Variants in PAPOLG observed in about 807,000 individuals in gnomAD.
PAPOLG encodes the protein poly(A) polymerase gamma.
Under a neutral mutation model 99.0 loss-of-function variants are expected in PAPOLG, and 40 were observed. The ratio of observed to expected loss-of-function variants is 0.40; its 90% CI spans 0.31 to 0.53. The LOEUF (loss-of-function observed/expected upper bound fraction) is 0.53, where lower values mean the gene tolerates loss of function less well. Among genes scored for constraint, PAPOLG ranks in the 20% least tolerant of loss-of-function variants. The pLI is 0.41. For missense variants in PAPOLG, 675 were observed against 884.1 expected (o/e 0.76, Z 3.00); for synonymous variants, 310 against 299.3 (o/e 1.04, Z -0.37).
At chr2:60,771,493 TTC>T (rs781397768) in intron 6 of PAPOLG, 24 bp from the exon 7 acceptor site, 2 of 1,564,244 alleles carry the variant, frequency 1.3e-6, no homozygotes, top group African/African-American at 2.8e-5. Context: ...TGTAATTTTT[TTC>T]TCTTTTTTCA....
intron 5 of PAPOLG, 114 bp downstream of exon 5, chr2:60,769,004 A>G (rs2103773999): frequency 3.9e-6 from 3 of 778,614 alleles, no homozygotes; most frequent in South Asian, 4.3e-5. Flanking sequence ...GAGGTATTTA[A>G]TAAGAGTAGC....
intron 12 of PAPOLG, 47 bp downstream of exon 12, chr2:60,782,817 A>G (rs1558703460): frequency 7.1e-7 from 1 of 1,416,426 alleles, no homozygotes; most frequent in Non-Finnish European, 9.4e-7. Flanking sequence ...TTTTTTTTTT[A>G]AAGAAGAATG....
rs750686115 is a variant in PAPOLG, at chr2:60,797,196, A to ATTTAG, written c.*38_*42dup. On this transcript the variant is annotated 3_prime_UTR_variant, in exon 22 of 22. Transcript: ENST00000238714. ...TCCTCACTTAAGTGAACAAGCAATC[A>ATTTAG]TTTAGTGGCATAGATGCAGCCACTT... is the stretch of plus-strand genomic sequence containing the variant. 1 of 1,609,064 alleles carries ATTTAG rather than the reference A, an allele frequency of 6.2e-7. No individual in the cohort carries two copies. The highest frequency in any genetic ancestry group is 1.7e-5 in the Admixed American group (1 of 59,906).
At chr2:60,791,158 T>C (rs1671520478) in intron 15 of PAPOLG, among the ~76,000 whole-genome samples, 1 of 152,080 alleles carries the variant, frequency 6.6e-6, no homozygotes, top group South Asian at 2.1e-4. Context: ...GGGGAAAATA[T>C]CAGAAAATAA....
intron 15 of PAPOLG, among the ~76,000 whole-genome samples, chr2:60,788,521 C>T (rs1176671489): frequency 2.0e-5 from 3 of 152,092 alleles, no homozygotes; most frequent in Admixed American, 6.6e-5. Context: ...GGAGTTTCAC[C>T]ATGCTGGCCA....
chr2:60,789,959 T>C (rs931714628), intron 15 of PAPOLG, among the ~76,000 whole-genome samples: 2 of 152,168 alleles, frequency 1.3e-5, no homozygotes, highest in African/African-American at 4.8e-5. Context: ...CCAGGTGTGG[T>C]GGCGGGTGCC....
chr2:60,781,737 A>G lies in PAPOLG; in HGVS notation c.907-148A>G, dbSNP rs550204886. The stretch of plus-strand genomic sequence containing the variant: ...CAGACATATCCAACTTCAGAAATAA[A>G]TGCAGTTGGGGAGGGAAAATGTACT... On this transcript the variant is annotated intron_variant, in intron 10 of 21. Coordinates refer to ENST00000238714, the MANE Select transcript of PAPOLG (RefSeq NM_022894.4). The G allele has an allele frequency of 3.2e-3, 3,111 of 976,332 alleles. 15 individuals carry two copies. The highest frequency in any genetic ancestry group is 3.8e-3 in the Non-Finnish European group (2,571 of 668,422). The allele number at this position is 976,332 out of a possible 1,614,324, so 60.5% of individuals were successfully genotyped here.
intron 21 of PAPOLG, chr2:60,795,273 GT>G (rs1182599118): frequency 3.3e-6 from 2 of 603,516 alleles, no homozygotes; most frequent in Admixed American, 2.2e-5. Flanking sequence ...TTCACCCTTT[GT>G]TTTTTATCTT....
intron 3 of PAPOLG, among the ~76,000 whole-genome samples, chr2:60,763,020 G>T (rs147412501): frequency 9.1e-4 from 138 of 151,008 alleles, no homozygotes; most frequent in African/African-American, 3.2e-3. Context: ...TCTCACCTCA[G>T]CCTCCCCAAG....
chr2:60,791,598 T>G (rs1671538307), intron 15 of PAPOLG, 163 bp from the exon 16 acceptor site: 1 of 678,948 alleles, frequency 1.5e-6, no homozygotes, highest in Non-Finnish European at 2.4e-6. Context: ...TGTGATGTGA[T>G]GGAAGTGTAT....
At chr2:60,766,180 A>G (rs1389092066) in intron 3 of PAPOLG, among the ~76,000 whole-genome samples, 1 of 152,232 alleles carries the variant, frequency 6.6e-6, no homozygotes. Flanking sequence ...AAATGTAAAT[A>G]TGATTGAAGA....
chr2:60,792,429 C>T (rs1487562215), intron 17 of PAPOLG, 140 bp downstream of exon 17: 3 of 837,904 alleles, frequency 3.6e-6, no homozygotes, highest in Non-Finnish European at 5.4e-6. Context: ...CAATTTCTTG[C>T]TTAGAAATAA....
chr2:60,767,498 T>C (rs1054426666), intron 3 of PAPOLG, among the ~76,000 whole-genome samples: 12 of 152,112 alleles, frequency 7.9e-5, no homozygotes, highest in African/African-American at 2.9e-4. Context: ...AGATGGTGTC[T>C]CATTGTGTTG....
intron 1 of PAPOLG, among the ~76,000 whole-genome samples, chr2:60,757,846 C>G (rs1172316283): frequency 6.6e-6 from 1 of 152,146 alleles, no homozygotes; most frequent in South Asian, 2.1e-4. Flanking sequence ...TTTCCCCTCC[C>G]CTCTAGATGG....
At position 60,797,494 on chromosome 2, in the gene PAPOLG, G is replaced by C; in HGVS notation, c.*334G>C. On this transcript the variant is annotated 3_prime_UTR_variant, in exon 22 of 22. Coordinates refer to ENST00000238714, the MANE Select transcript of PAPOLG (RefSeq NM_022894.4). ...TTAGCCACTTGGACACTGATAACAA[G>C]TCCTGAACTCCTTTTTTGTTTTGTT... is the stretch of plus-strand genomic sequence containing the variant. 4.4e-6 allele frequency: 1 copy of C among 228,002 alleles called. No individual in the cohort carries two copies. Among genetic ancestry groups the C allele is most frequent in the Non-Finnish European group, 8.5e-6 (1 of 117,204 alleles). The allele number at this position is 228,002 out of a possible 1,614,324, so 14.1% of individuals were successfully genotyped here.
chr2:60,799,528 T>C lies in PAPOLG; in HGVS notation c.*2368T>C, dbSNP rs556020278. 4 of 152,526 alleles carry C rather than the reference T, an allele frequency of 2.6e-5. No individual in the cohort carries two copies. The East Asian group carries it at 7.5e-4, about 29-fold the overall frequency. 9.4% of individuals were successfully genotyped at this position (152,526 alleles called of 1,614,324 possible). On this transcript the variant is annotated 3_prime_UTR_variant, in exon 22 of 22. Transcript: ENST00000238714. ...CGTTAACTTGGTGGGAAGCTTCCAT[T>C]GTACTAGTTCCAAGTAAAAAAGGAG...
At chr2:60,756,581 C>A in intron 1 of PAPOLG, 86 bp downstream of exon 1, 1 of 1,377,166 alleles carries the variant, frequency 7.3e-7, no homozygotes, top group Non-Finnish European at 9.8e-7. Flanking sequence ...CGTTCCCTGT[C>A]CCTTGCGCCC....
intron 18 of PAPOLG, 107 bp downstream of exon 18, chr2:60,793,822 G>A (rs1671615095): frequency 8.4e-6 from 12 of 1,435,954 alleles, no homozygotes; most frequent in Non-Finnish European, 1.1e-5. Flanking sequence ...AAGGTGGGAG[G>A]GTCACCTGAG....
At chr2:60,787,869 C>T (rs1196056998) in intron 15 of PAPOLG, among the ~76,000 whole-genome samples, 1 of 152,034 alleles carries the variant, frequency 6.6e-6, no homozygotes, top group Non-Finnish European at 1.5e-5. Context: ...CTGGCTAATA[C>T]GGTGAAACCC....
Sources: allele counts gnomAD v4.1 joint callset (sites outside exome capture counted in the v4.1 genomes callset), GRCh38; gene constraint gnomAD v4.1.1; transcripts MANE v1.5; gene names NCBI Gene and HGNC (gene_info 2026-07-23, HGNC 2026-07-21).